The following NCAM2 variants were observed in gnomAD, a reference collection of about 807,000 sequenced individuals.
NCAM2 encodes the protein N-CAM-2.
A neutral mutation model predicts 98.1 loss-of-function variants in NCAM2; 30 were observed. The observed-to-expected ratio is 0.31, with a 90% CI of 0.23 to 0.41. The LOEUF is 0.41. Ranked by LOEUF, NCAM2 falls within the 10% of genes least tolerant of loss-of-function variation. The probability of loss-of-function intolerance (pLI) is 1.00; values close to 1 mark genes in which losing one functional copy is unlikely to be tolerated. For missense variants in NCAM2, 867 were observed against 1,005.8 expected, an observed-to-expected ratio of 0.86 and a Z score of 1.87; for synonymous variants, 368 against 342.4, an observed-to-expected ratio of 1.07 and a Z score of -0.83.
intron 1 of NCAM2, among the ~76,000 whole-genome samples, chr21:21,120,626 C>A (rs1251741110): frequency 6.6e-6 from 1 of 151,936 alleles, no homozygotes; most frequent in African/African-American, 2.4e-5. Context: ...GAGGATGAGT[C>A]CAGCTTGGTT....
chr21:21,022,502 A>T (rs530978281), intron 1 of NCAM2, among the ~76,000 whole-genome samples: 25 of 152,198 alleles, frequency 1.6e-4, no homozygotes, highest in Non-Finnish European at 3.5e-4. Context: ...TAGGGAGTGG[A>T]TTTTCAAGTA....
chr21:21,264,742 G>GTATATATATACATATATATATATTCCAC (rs78285981), intron 1 of NCAM2, among the ~76,000 whole-genome samples: 252 of 129,002 alleles, frequency 2.0e-3, no homozygotes, highest in African/African-American at 3.8e-3. Context: ...GCATAAGTGT[G>GTATATATATACATATATATATATTCCAC]TATATATATA....
At chr21:21,460,714 G>GTATGTGATA (rs1180590662) in intron 12 of NCAM2, among the ~76,000 whole-genome samples, 8 of 151,792 alleles carry the variant, frequency 5.3e-5, no homozygotes, top group African/African-American at 1.9e-4. Flanking sequence ...AGTATTTATG[G>GTATGTGATA]TATGTGATAT....
At chr21:21,393,629 A>G (rs2076430130) in intron 9 of NCAM2, among the ~76,000 whole-genome samples, 1 of 152,182 alleles carries the variant, frequency 6.6e-6, no homozygotes, top group Non-Finnish European at 1.5e-5. Context: ...TTCTGAAAAA[A>G]CAGGCATTAT....
At position 21,418,515 on chromosome 21, in the gene NCAM2, A is replaced by T; in HGVS notation, c.1426A>T (p.Thr476Ser). Residue 476 changes from threonine (T) to serine (S), a missense_variant, in exon 11 of 18, where the codon ACA becomes TCA. Around this residue, in one of 5 missense-constraint regions of NCAM2, gnomAD observed 234 missense variants for 333.8 expected, o/e 0.70. Transcript: ENST00000400546. Reference protein sequence around the residue: ...SDNDFGRYNCTATNHIGTRFQ... With the variant: ...SDNDFGRYNCSATNHIGTRFQ... Reference sequence around the variant, plus strand: ...CAATGACTTTGGACGCTATAATTGCACAGCCACTAATCATATAGGAACAAG... The same window carrying T: ...CAATGACTTTGGACGCTATAATTGCTCAGCCACTAATCATATAGGAACAAG... 6.2e-7 allele frequency: 1 copy of T among 1,611,828 alleles called. No individual in the cohort carries two copies. Among genetic ancestry groups the T allele is most frequent in the East Asian group, 2.2e-5 (1 of 44,780 alleles).
chr21:21,207,488 AC>A (rs2069484416), intron 1 of NCAM2, among the ~76,000 whole-genome samples: 1 of 151,776 alleles, frequency 6.6e-6, no homozygotes, highest in East Asian at 1.9e-4. Flanking sequence ...TGACTGTAAC[AC>A]AGAGAAACAA....
At chr21:21,494,730 A>AGAT (rs1987094536) in intron 15 of NCAM2, among the ~76,000 whole-genome samples, 1 of 151,970 alleles carries the variant, frequency 6.6e-6, no homozygotes, top group African/African-American at 2.4e-5. Context: ...ATGTCAGTAT[A>AGAT]GATAAGATAA....
At chr21:21,340,868 G>A (rs1434444662) in intron 8 of NCAM2, among the ~76,000 whole-genome samples, 1 of 151,766 alleles carries the variant, frequency 6.6e-6, no homozygotes, top group Non-Finnish European at 1.5e-5. Context: ...AGTGTTATTT[G>A]AACTCTTTTT....
chr21:21,013,522 C>T (rs2064247422), intron 1 of NCAM2, among the ~76,000 whole-genome samples: 1 of 152,138 alleles, frequency 6.6e-6, no homozygotes, highest in African/African-American at 2.4e-5. Context: ...TGGCTCACAC[C>T]TGTAATTTCA....
chr21:21,357,458 A>G (rs2075521178), intron 8 of NCAM2, among the ~76,000 whole-genome samples: 1 of 152,192 alleles, frequency 6.6e-6, no homozygotes, highest in African/African-American at 2.4e-5. Context: ...AGAAATCACC[A>G]AAAGGAAACC....
At chr21:21,299,575 CTCTT>C (rs1212864844) in intron 5 of NCAM2, among the ~76,000 whole-genome samples, 4 of 151,638 alleles carry the variant, frequency 2.6e-5, no homozygotes, top group Non-Finnish European at 4.4e-5. Context: ...CTCTCTCTCT[CTCTT>C]TCTCTCCTTC....
chr21:21,399,186 T>G (rs1195505076), intron 9 of NCAM2, among the ~76,000 whole-genome samples: 4 of 152,214 alleles, frequency 2.6e-5, no homozygotes, highest in Admixed American at 6.5e-5. Flanking sequence ...TACTTTTCCT[T>G]TAACTCCAGA....
At chr21:21,455,074 A>C (rs1981925912) in intron 12 of NCAM2, among the ~76,000 whole-genome samples, 1 of 151,856 alleles carries the variant, frequency 6.6e-6, no homozygotes, top group Non-Finnish European at 1.5e-5. Flanking sequence ...AATACAAATG[A>C]ATTTCATAAG....
intron 17 of NCAM2, among the ~76,000 whole-genome samples, chr21:21,536,214 G>T (rs1425130337): frequency 6.6e-6 from 1 of 151,550 alleles, no homozygotes; most frequent in Non-Finnish European, 1.5e-5. Flanking sequence ...ACTAGTTTTT[G>T]CCTATTACTT....
intron 12 of NCAM2, among the ~76,000 whole-genome samples, chr21:21,433,625 C>T (rs1206230025): frequency 6.6e-6 from 1 of 151,372 alleles, no homozygotes; most frequent in Non-Finnish European, 1.5e-5. Context: ...CACCTGTAGA[C>T]CCAGCTACTC....
At chr21:21,033,001 A>G (rs891840306) in intron 1 of NCAM2, among the ~76,000 whole-genome samples, 1 of 151,168 alleles carries the variant, frequency 6.6e-6, no homozygotes, top group African/African-American at 2.4e-5. Context: ...CTGGAGTGCA[A>G]TGGTATGATC....
At chr21:21,367,847 G>T (rs1158782761) in intron 8 of NCAM2, among the ~76,000 whole-genome samples, 1 of 151,776 alleles carries the variant, frequency 6.6e-6, no homozygotes, top group Non-Finnish European at 1.5e-5. Flanking sequence ...GCCACAGCCA[G>T]GATATAAGCC....
At chr21:21,449,938 T>C (rs1569075964) in intron 12 of NCAM2, among the ~76,000 whole-genome samples, 1 of 152,232 alleles carries the variant, frequency 6.6e-6, no homozygotes, top group East Asian at 1.9e-4. Flanking sequence ...TAGCATCTTG[T>C]ATTCGTTCTT....
intron 1 of NCAM2, among the ~76,000 whole-genome samples, chr21:21,063,095 C>T (rs546960082): frequency 6.6e-6 from 1 of 152,162 alleles, no homozygotes; most frequent in East Asian, 1.9e-4. Flanking sequence ...TAAATTTGCA[C>T]CTAATGCTGG....
Sources: gnomAD v4.1 joint callset for allele counts (sites outside exome capture counted in the v4.1 genomes callset) on GRCh38, gnomAD v4.1.1 for gene constraint, gnomAD v4.1.1 regional missense constraint, MANE v1.5 for transcripts, NCBI Gene and HGNC (gene_info 2026-07-23, HGNC 2026-07-21) for gene names.